Variants in RAD50 observed in about 807,000 individuals in gnomAD.
RAD50 encodes RAD50 double strand break repair protein.
A neutral mutation model predicts 168.8 loss-of-function variants in RAD50; 132 were observed. The observed-to-expected ratio is 0.78, with a 90% CI of 0.68 to 0.90. The LOEUF is 0.90. Among genes scored for constraint, RAD50 ranks in the 40% least tolerant of loss-of-function variants. RAD50 has a pLI of 0.00. For synonymous variants in RAD50, 525 were observed against 497.4 expected (o/e 1.06, Z -0.74); for missense variants, 1,347 against 1,534.4 (o/e 0.88, Z 2.04).
rs1035533874 is a variant in RAD50 at position 132,595,726 on chromosome 5, C to T, written c.2123C>T (p.Ala708Val). 6.2e-7 allele frequency: 1 copy of T among 1,613,870 alleles called. No homozygotes were observed. The highest frequency in any genetic ancestry group is 1.7e-4 in the Middle Eastern group (1 of 6,060). ...GATTTGCAGTCTAAACTGCGACTTG[C>T]TCCAGATAAACTCAAGTCAACAGAA... ...ISDLQSKLRL[A>V]PDKLKSTESE... The change falls in exon 13 of 25, where the codon GCT becomes GTT. Residue 708 changes from alanine to valine, a missense_variant. Transcript: ENST00000378823.
rs1275882210 is a variant in RAD50, at chr5:132,616,133, A to G, written c.3164+3A>G. The G allele has an allele frequency of 1.9e-6, 3 of 1,611,310 alleles. No homozygotes were observed. The highest frequency in any genetic ancestry group is 2.7e-5 in the African/African-American group (2 of 74,870). ...ATGCAGGTTTTGCAAATGAAAAGGTATGCTTTTAAAATAATCTTCAGTTTA... is the reference window on the plus strand; with the variant it reads ...ATGCAGGTTTTGCAAATGAAAAGGTGTGCTTTTAAAATAATCTTCAGTTTA... On this transcript the variant is annotated splice_donor_region_variant and intron_variant, in intron 20 of 24. Transcript: ENST00000378823.
rs545546432 is a variant in RAD50, at chr5:132,557,387, T to G, written c.63T>G (p.Asp21Glu). The G allele has an allele frequency of 4.3e-6, 7 of 1,614,082 alleles. No individual in the cohort carries two copies. The African/African-American group carries it at 9.3e-5, about 22-fold the overall frequency. Reference protein sequence around the residue: ...GVRSFGIEDKDKQIITFFSPL... With the variant: ...GVRSFGIEDKEKQIITFFSPL... Reference sequence around the variant, plus strand: ...GGAGTTTTGGAATAGAGGACAAAGATAAGCAAATTATCACTTTCTTCAGCC... The same window carrying G: ...GGAGTTTTGGAATAGAGGACAAAGAGAAGCAAATTATCACTTTCTTCAGCC... Residue 21 changes from aspartate to glutamate, a missense_variant, in exon 1 of 25, where the codon GAT becomes GAG. This residue lies in a region of RAD50 where 703 missense variants were observed against 767.7 expected (regional missense o/e 0.92). Transcript: ENST00000378823.
chr5:132,637,058 ACTATT>A, intron 21 of RAD50, 52 bp from the exon 22 acceptor site: 7 of 1,284,506 alleles, frequency 5.4e-6, no homozygotes, highest in Non-Finnish European at 7.1e-6. Flanking sequence ...TTTTAATATT[ACTATT>A]ACACATAATT....
At chr5:132,629,852 C>T (rs1023382349) in intron 21 of RAD50, among the ~76,000 whole-genome samples, 3 of 151,960 alleles carry the variant, frequency 2.0e-5, no homozygotes, top group African/African-American at 7.3e-5. Flanking sequence ...TAAGCATTGG[C>T]AGTGGTCAGA....
intron 11 of RAD50, chr5:132,593,615 C>T (rs949475311): frequency 6.6e-6 from 1 of 152,268 alleles, no homozygotes; most frequent in African/African-American, 2.4e-5. Flanking sequence ...AAAAATTCCA[C>T]ACAGATTTTT....
chr5:132,568,379 G>A (rs910314843), intron 2 of RAD50, among the ~76,000 whole-genome samples: 1 of 151,908 alleles, frequency 6.6e-6, no homozygotes. Flanking sequence ...CACGACGCCC[G>A]ACCGGATTTT....
rs534662635 is a variant in RAD50 at position 132,557,144 on chromosome 5, C to T, written c.-181C>T. 3.6e-3 allele frequency: 3,019 copies of T among 844,632 alleles called. 41 individuals carry two copies. Among genetic ancestry groups the T allele is most frequent in the Middle Eastern group, 0.024 (70 of 2,920 alleles). The allele number at this position is 844,632 out of a possible 1,614,324, so 52.3% of individuals were successfully genotyped here. ...GTGTGGGAGGAAAGGCTCCATCCCC[C>T]GCCCCCTCTCTCCCGCTGTTGGCTG... On this transcript the variant is annotated 5_prime_UTR_variant, in exon 1 of 25. Transcript: ENST00000378823.
At chr5:132,608,999 A>G (rs935282519) in intron 17 of RAD50, 118 bp from the exon 18 acceptor site, 5 of 1,416,464 alleles carry the variant, frequency 3.5e-6, no homozygotes, top group Non-Finnish European at 2.9e-6. Context: ...CATAAAATTC[A>G]GTAGTGGTGG....
chr5:132,638,248 G>T (rs562557688), intron 23 of RAD50, 25 bp downstream of exon 23: 1 of 1,613,718 alleles, frequency 6.2e-7, no homozygotes, highest in South Asian at 1.1e-5. Context: ...AGCCTGGGGA[G>T]CCAACTCACC....
chr5:132,579,424 A>C lies in RAD50; in HGVS notation c.473A>C (p.His158Pro). Residue 158 changes from histidine to proline, a missense_variant, in exon 4 of 25, where the codon CAT (histidine) becomes CCT (proline). Transcript: ENST00000378823. ...KAVLNNVIFCHQEDSNWPLSE... is the reference protein window; with the variant it reads ...KAVLNNVIFCPQEDSNWPLSE... ...GTGCTAAATAATGTCATTTTCTGTC[A>C]TCAAGAAGATTCTAATTGGCCTTTA... 6.2e-7 allele frequency: 1 copy of C among 1,613,962 alleles called. No homozygotes were observed. Among genetic ancestry groups the C allele is most frequent in the Non-Finnish European group, 8.5e-7 (1 of 1,179,850 alleles).
At chr5:132,574,191 C>A (rs534029216) in intron 2 of RAD50, among the ~76,000 whole-genome samples, 2 of 152,356 alleles carry the variant, frequency 1.3e-5, no homozygotes, top group Admixed American at 6.5e-5. Flanking sequence ...AAGGGCCCCA[C>A]CCCTGCAGCA....
rs139359541 is a variant in RAD50 at position 132,575,208 on chromosome 5, G to A, written c.214-569G>A. ...ACTACAGTTCCACCTGGCTTGGGAG[G>A]CCTCACAATCATGGTGGAAGGTAAG... On this transcript the variant is annotated intron_variant, in intron 2 of 24. Coordinates refer to ENST00000378823, the MANE Select transcript of RAD50 (RefSeq NM_005732.4). Among the ~76,000 whole-genome samples, 552 of 152,298 alleles carry A rather than the reference G, an allele frequency of 3.6e-3. 5 individuals are homozygous for A. Among genetic ancestry groups the A allele is most frequent in the African/African-American group, 0.011 (466 of 41,568 alleles).
rs764947749 is a variant in RAD50 at position 132,560,594 on chromosome 5, G to T, written c.213+1227G>T. ...CTTATTTTCCAATCATCACATCTAC[G>T]AAACTACTGTACATACGTGCCCATA... On this transcript the variant is annotated intron_variant, in intron 2 of 24. Coordinates refer to ENST00000378823, the MANE Select transcript of RAD50 (RefSeq NM_005732.4). Among the ~76,000 whole-genome samples, 3 of 152,250 alleles carry T rather than the reference G, an allele frequency of 2.0e-5. No individual in the cohort carries two copies. In the East Asian group the frequency reaches 5.8e-4, roughly 29 times the overall value.
At chr5:132,626,583 T>C (rs539428903) in intron 21 of RAD50, among the ~76,000 whole-genome samples, 30 of 152,236 alleles carry the variant, frequency 2.0e-4, no homozygotes, top group Non-Finnish European at 4.0e-4. Flanking sequence ...GTTCTTAAAT[T>C]CTCTATTCTT....
intron 19 of RAD50, among the ~76,000 whole-genome samples, chr5:132,612,104 T>C (rs927319847): frequency 6.6e-6 from 1 of 152,172 alleles, no homozygotes; most frequent in African/African-American, 2.4e-5. Flanking sequence ...AGTCAAAATA[T>C]GGACACACCC....
At chr5:132,641,782 C>T (rs1751726797) in intron 24 of RAD50, 1 of 180,948 alleles carries the variant, frequency 5.5e-6, no homozygotes, top group Non-Finnish European at 1.2e-5. Context: ...ATTTTTCTTC[C>T]AGAGAAAAGT....
chr5:132,594,210 C>G (rs1003096436), intron 11 of RAD50, among the ~76,000 whole-genome samples: 1 of 152,130 alleles, frequency 6.6e-6, no homozygotes, highest in Admixed American at 6.5e-5. Flanking sequence ...ACAGCCTACT[C>G]CAATATATTA....
chr5:132,600,787 T>C (rs1750874252), intron 13 of RAD50, among the ~76,000 whole-genome samples: 1 of 152,040 alleles, frequency 6.6e-6, no homozygotes, highest in African/African-American at 2.4e-5. Flanking sequence ...AAAACAGAAA[T>C]CCAAAGAGTA....
chr5:132,599,131 A>G (rs1750843046), intron 13 of RAD50, among the ~76,000 whole-genome samples: 1 of 151,984 alleles, frequency 6.6e-6, no homozygotes, highest in South Asian at 2.1e-4. Context: ...AACCCCCTCA[A>G]AACTGTCTCG....
Sources: allele counts gnomAD v4.1 joint callset (sites outside exome capture counted in the v4.1 genomes callset), GRCh38; gene constraint gnomAD v4.1.1; regional missense constraint gnomAD v4.1.1; transcripts MANE v1.5; gene names NCBI Gene and HGNC (gene_info 2026-07-23, HGNC 2026-07-21).